The following LHFPL3 variants were observed in gnomAD, a reference collection of about 807,000 sequenced individuals.
LHFPL3 encodes the protein LHFPL tetraspan subfamily member 3 protein.
In LHFPL3, 5 loss-of-function variants were observed where a neutral mutation model predicts 19.3. That is an observed-to-expected ratio of 0.26 (90% CI 0.14 to 0.54). The LOEUF (loss-of-function observed/expected upper bound fraction) is 0.54, where lower values mean the gene tolerates loss of function less well. LHFPL3 is among the 20% of genes least tolerant of loss of function. LHFPL3 has a pLI of 0.94. For synonymous variants in LHFPL3, 133 were observed against 126.2 expected (o/e 1.05, Z -0.36); for missense variants, 249 against 307.4 (o/e 0.81, Z 1.42).
At chr7:104,360,910 T>TG in intron 1 of LHFPL3, among the ~76,000 whole-genome samples, 3 of 152,340 alleles carry the variant, frequency 2.0e-5, no homozygotes, top group Admixed American at 2.0e-4. Flanking sequence ...AAATTCCTCT[T>TG]GTGGACTGTT....
chr7:104,535,977 C>G (rs1027150928), intron 1 of LHFPL3, among the ~76,000 whole-genome samples: 1 of 152,198 alleles, frequency 6.6e-6, no homozygotes, highest in African/African-American at 2.4e-5. Flanking sequence ...CAGTACAGCT[C>G]TCCCATCTGG....
chr7:104,691,794 G>A (rs1443465804), intron 1 of LHFPL3, among the ~76,000 whole-genome samples: 3 of 152,214 alleles, frequency 2.0e-5, no homozygotes, highest in Admixed American at 2.0e-4. Context: ...GAGTTTGGAG[G>A]GCTCAGAAGA....
At chr7:104,363,574 C>A (rs1333475334) in intron 1 of LHFPL3, among the ~76,000 whole-genome samples, 1 of 152,184 alleles carries the variant, frequency 6.6e-6, no homozygotes, top group African/African-American at 2.4e-5. Flanking sequence ...AGTGCTGGCT[C>A]TAGGCTGAGA....
In LHFPL3 at chr7:104,328,751, G is replaced by A; in HGVS notation, c.-29G>A. ...GGCGGGGGGAGGCGGAGGACCAGGA[G>A]GAGGAGGAGGAGGAGGAGGAGGGGG... On this transcript the variant is annotated 5_prime_UTR_variant, in exon 1 of 3. Coordinates refer to ENST00000424859, the MANE Select transcript of LHFPL3 (RefSeq NM_199000.3). The surrounding 1 kb of genome is among the most constrained non-coding windows in gnomAD (Gnocchi z 4.6). The A allele has an allele frequency of 2.9e-6, 3 of 1,040,054 alleles. No individual in the cohort carries two copies. Among genetic ancestry groups the A allele is most frequent in the Non-Finnish European group, 3.7e-6 (3 of 813,530 alleles). 64.4% of individuals were successfully genotyped at this position (1,040,054 alleles called of 1,614,324 possible).
chr7:104,794,950 T>G (rs1464070097), intron 2 of LHFPL3, among the ~76,000 whole-genome samples: 1 of 152,212 alleles, frequency 6.6e-6, no homozygotes, highest in Non-Finnish European at 1.5e-5. Context: ...AAAATATGTG[T>G]AGCAGGAAGA....
chr7:104,688,276 C>G (rs10464616), intron 1 of LHFPL3, among the ~76,000 whole-genome samples: 79,130 of 152,018 alleles, frequency 0.52, 20,886 homozygotes, highest in East Asian at 0.59. Context: ...AGCACATACC[C>G]AGCCTCCAGT....
intron 1 of LHFPL3, among the ~76,000 whole-genome samples, chr7:104,531,262 C>A (rs560337376): frequency 1.6e-4 from 24 of 152,328 alleles, no homozygotes; most frequent in Admixed American, 6.5e-4. Flanking sequence ...CAGCTCACTT[C>A]GTCAGCTAAG....
chr7:104,669,199 C>T (rs895709733), intron 1 of LHFPL3: 21 of 1,613,720 alleles, frequency 1.3e-5, no homozygotes, highest in African/African-American at 2.7e-5. Flanking sequence ...TTGGGTGAAG[C>T]GAAGTTCTAA....
chr7:104,372,175 A>T (rs190489439), intron 1 of LHFPL3, among the ~76,000 whole-genome samples: 2 of 152,292 alleles, frequency 1.3e-5, no homozygotes, highest in African/African-American at 2.4e-5. Context: ...GGAGGTGCTC[A>T]TGTATCCACC....
chr7:104,581,542 T>A (rs1790461890), intron 1 of LHFPL3, among the ~76,000 whole-genome samples: 1 of 152,100 alleles, frequency 6.6e-6, no homozygotes, highest in Non-Finnish European at 1.5e-5. Flanking sequence ...ATTTTATGCC[T>A]ACTATGCACT....
At chr7:104,821,657 T>C (rs1790677911) in intron 2 of LHFPL3, among the ~76,000 whole-genome samples, 1 of 152,116 alleles carries the variant, frequency 6.6e-6, no homozygotes, top group Non-Finnish European at 1.5e-5. Context: ...ATTTGGAAAA[T>C]TCAGCATAAT....
At chr7:104,695,985 C>T (rs1471308853) in intron 1 of LHFPL3, among the ~76,000 whole-genome samples, 1 of 152,178 alleles carries the variant, frequency 6.6e-6, no homozygotes, top group Non-Finnish European at 1.5e-5. Context: ...GAGTCTCACT[C>T]TGTTGCCCAG....
At chr7:104,885,627 T>G (rs1792133098) in intron 2 of LHFPL3, among the ~76,000 whole-genome samples, 1 of 151,910 alleles carries the variant, frequency 6.6e-6, no homozygotes, top group Non-Finnish European at 1.5e-5. Flanking sequence ...CTTCAACCAC[T>G]CCCAGCCTGG....
At chr7:104,451,276 G>A (rs954690961) in intron 1 of LHFPL3, among the ~76,000 whole-genome samples, 2 of 152,164 alleles carry the variant, frequency 1.3e-5, no homozygotes, top group East Asian at 1.9e-4. Flanking sequence ...ATATCTTCAC[G>A]GTGATAAGCT....
rs140193068 is a variant in LHFPL3 at position 104,798,871 on chromosome 7, C to T, written c.682+61960C>T. 2.1e-3 allele frequency among the ~76,000 whole-genome samples: 313 copies of T among 152,208 alleles called. 5 individuals carry two copies. In the East Asian group the frequency reaches 0.032, roughly 15 times the overall value. On this transcript the variant is annotated intron_variant, in intron 2 of 2. Coordinates refer to ENST00000424859, the MANE Select transcript of LHFPL3 (RefSeq NM_199000.3). Reference sequence around the variant, plus strand: ...TTCTGTTTTTTTGGATTGGCTCTGACCTGTGTATATCGTAAGGTTTTACTA... The same window carrying T: ...TTCTGTTTTTTTGGATTGGCTCTGATCTGTGTATATCGTAAGGTTTTACTA...
intron 1 of LHFPL3, among the ~76,000 whole-genome samples, chr7:104,614,623 C>CTTCTA (rs1479111801): frequency 1.4e-5 from 2 of 145,342 alleles, no homozygotes; most frequent in Admixed American, 7.0e-5. Flanking sequence ...CTTCTCTTCT[C>CTTCTA]TTCTCTTCTC....
chr7:104,808,060 C>T (rs1445650908), intron 2 of LHFPL3, among the ~76,000 whole-genome samples: 1 of 152,202 alleles, frequency 6.6e-6, no homozygotes, highest in Non-Finnish European at 1.5e-5. Flanking sequence ...GTTCACATTA[C>T]AGCCGTGCCT....
chr7:104,834,353 C>T (rs1791050474), intron 2 of LHFPL3, among the ~76,000 whole-genome samples: 1 of 151,894 alleles, frequency 6.6e-6, no homozygotes, highest in Admixed American at 6.6e-5. Flanking sequence ...AAAGGAATAA[C>T]TGAGTCCTCA....
At chr7:104,524,249 T>C (rs866089410) in intron 1 of LHFPL3, among the ~76,000 whole-genome samples, 29 of 152,136 alleles carry the variant, frequency 1.9e-4, no homozygotes, top group African/African-American at 6.5e-4. Context: ...AAGGTAGACA[T>C]ACCCAACACA....
Sources: allele counts gnomAD v4.1 joint callset (sites outside exome capture counted in the v4.1 genomes callset), GRCh38; gene constraint gnomAD v4.1.1; non-coding constraint Gnocchi (gnomAD v3.1); transcripts MANE v1.5; gene names NCBI Gene and HGNC (gene_info 2026-07-23, HGNC 2026-07-21).